SGMS1: variants seen among roughly 807,000 people sequenced by gnomAD.
SGMS1 encodes sphingomyelin synthase 1, also known as phosphatidylcholine:ceramide cholinephosphotransferase 1.
Under a neutral mutation model 46.2 loss-of-function variants are expected in SGMS1, and 13 were observed. That is an observed-to-expected ratio of 0.28 (90% CI 0.18 to 0.45). The LOEUF is 0.45. SGMS1 is among the 20% of genes least tolerant of loss of function. The pLI, the probability that SGMS1 is intolerant of heterozygous loss-of-function variation, is 1.00. For missense variants in SGMS1, 324 were observed against 519.9 expected (o/e 0.62, Z 3.66); for synonymous variants, 203 against 187.8 (o/e 1.08, Z -0.66).
At chr10:50,464,732 C>A (rs117346226) in intron 4 of SGMS1, among the ~76,000 whole-genome samples, 2 of 152,298 alleles carry the variant, frequency 1.3e-5, no homozygotes, top group East Asian at 3.9e-4. Flanking sequence ...CTGCGCCTGG[C>A]CCGTTGATTT....
intron 3 of SGMS1, among the ~76,000 whole-genome samples, chr10:50,511,191 A>G (rs1425794990): frequency 6.6e-6 from 1 of 151,924 alleles, no homozygotes; most frequent in African/African-American, 2.4e-5. Flanking sequence ...ACAAGAGAAC[A>G]GTACTTCCTG....
chr10:50,498,558 T>C (rs1837635389), intron 3 of SGMS1, among the ~76,000 whole-genome samples: 1 of 152,184 alleles, frequency 6.6e-6, no homozygotes, highest in South Asian at 2.1e-4. Context: ...TAGAAGCATA[T>C]AGTATTTTTC....
chr10:50,606,400 T>C (rs990314086), intron 1 of SGMS1, among the ~76,000 whole-genome samples: 8 of 152,338 alleles, frequency 5.3e-5, no homozygotes, highest in African/African-American at 1.7e-4. Context: ...GTGGAGATGG[T>C]TGCACAACAA....
chr10:50,577,961 T>C (rs1838399958), intron 2 of SGMS1, among the ~76,000 whole-genome samples: 1 of 152,174 alleles, frequency 6.6e-6, no homozygotes, highest in African/African-American at 2.4e-5. Flanking sequence ...AATGACTAAG[T>C]GTTCCAGTAA....
chr10:50,332,082 A>G (rs1847632272), intron 7 of SGMS1, among the ~76,000 whole-genome samples: 2 of 152,282 alleles, frequency 1.3e-5, no homozygotes, highest in East Asian at 1.9e-4. Context: ...AAGCCCTCCA[A>G]TGGTTGTCAA....
intron 6 of SGMS1, among the ~76,000 whole-genome samples, chr10:50,396,259 C>T (rs1485721715): frequency 1.3e-5 from 2 of 152,162 alleles, no homozygotes; most frequent in Non-Finnish European, 2.9e-5. Flanking sequence ...TACCTCTTCT[C>T]CTCTCTTTAC....
chr10:50,351,361 TTGGATTAA>T (rs1848009332), intron 6 of SGMS1, among the ~76,000 whole-genome samples: 1 of 152,166 alleles, frequency 6.6e-6, no homozygotes. Flanking sequence ...CTGTGGACTT[TTGGATTAA>T]TGCTGAAATG....
intron 2 of SGMS1, among the ~76,000 whole-genome samples, chr10:50,523,080 T>C (rs141655231): frequency 2.6e-5 from 4 of 152,324 alleles, no homozygotes; most frequent in South Asian, 2.1e-4. Context: ...AGTCCCCCTC[T>C]TGTGATTCTC....
At chr10:50,624,633 C>A, upstream of SGMS1, 2 of 985,350 alleles carry the variant, frequency 2.0e-6, no homozygotes, top group South Asian at 9.4e-5. Flanking sequence ...CGAGCTGCGG[C>A]GAAAACCCGG....
chr10:50,425,031 T>C (rs1248782744), intron 6 of SGMS1, among the ~76,000 whole-genome samples: 2 of 151,876 alleles, frequency 1.3e-5, no homozygotes, highest in Non-Finnish European at 2.9e-5. Context: ...TGAGATACCA[T>C]TAATCACAAT....
intron 5 of SGMS1, among the ~76,000 whole-genome samples, chr10:50,451,849 A>G (rs1054257804): frequency 3.3e-5 from 5 of 152,226 alleles, no homozygotes; most frequent in African/African-American, 1.2e-4. Flanking sequence ...AACATTAAAA[A>G]TATCTTCTTG....
At chr10:50,548,720 A>T (rs902585221) in intron 2 of SGMS1, among the ~76,000 whole-genome samples, 10 of 152,232 alleles carry the variant, frequency 6.6e-5, no homozygotes, top group African/African-American at 2.2e-4. Context: ...GATCTAATTA[A>T]ACCAAAGAAC....
At chr10:50,576,263 A>G (rs1289026496) in intron 2 of SGMS1, among the ~76,000 whole-genome samples, 1 of 152,186 alleles carries the variant, frequency 6.6e-6, no homozygotes, top group African/African-American at 2.4e-5. Context: ...CATCCTCATT[A>G]TAGACCCAAC....
intron 3 of SGMS1, among the ~76,000 whole-genome samples, chr10:50,481,314 G>C (rs1837474863): frequency 6.6e-6 from 1 of 152,204 alleles, no homozygotes; most frequent in Non-Finnish European, 1.5e-5. Flanking sequence ...TTCTGCGACA[G>C]AGCTCCCAGA....
rs1847193908 is a variant in SGMS1 at position 50,307,398 on chromosome 10, C to T, written c.1063-77G>A. The T allele has an allele frequency of 7.3e-6, 10 of 1,364,030 alleles. No individual in the cohort carries two copies. The South Asian group carries it at 1.2e-4, about 16-fold the overall frequency. The allele number at this position is 1,364,030 out of a possible 1,614,324, so 84.5% of individuals were successfully genotyped here. A position where few individuals can be genotyped will look rare whatever the true frequency, so the allele number is the denominator to read the frequency against. ...TTCAAATACTTGCCACGCTAAAATT[C>T]CCAAAGGACTCCATACCTGCCCTGC... On this transcript the variant is annotated intron_variant, in intron 10 of 10. Transcript: ENST00000361781. This position sits in a 1 kb window ranked among gnomAD's most constrained non-coding sequence, Gnocchi z 4.2.
At chr10:50,613,514 A>T (rs544768140) in intron 1 of SGMS1, among the ~76,000 whole-genome samples, 111 of 152,294 alleles carry the variant, frequency 7.3e-4, no homozygotes, top group Non-Finnish European at 1.3e-3. Context: ...TCCACACCTG[A>T]ACAGGCCTCT....
intron 5 of SGMS1, among the ~76,000 whole-genome samples, chr10:50,444,317 C>T (rs1836981058): frequency 6.6e-6 from 1 of 151,982 alleles, no homozygotes; most frequent in South Asian, 2.1e-4. Context: ...ACCAGACAAA[C>T]ATAATAAAAG....
intron 8 of SGMS1, among the ~76,000 whole-genome samples, chr10:50,314,369 G>A (rs1213102297): frequency 6.6e-6 from 1 of 152,058 alleles, no homozygotes; most frequent in African/African-American, 2.4e-5. Context: ...AGATATCTGC[G>A]GGTAAAATCA....
intron 2 of SGMS1, among the ~76,000 whole-genome samples, chr10:50,548,491 A>C (rs1021003399): frequency 1.3e-5 from 2 of 152,156 alleles, no homozygotes; most frequent in South Asian, 4.1e-4. Flanking sequence ...ATGGTGCTGG[A>C]ATAACTGGCT....
Sources: gnomAD v4.1 joint callset for allele counts (sites outside exome capture counted in the v4.1 genomes callset) on GRCh38, gnomAD v4.1.1 for gene constraint, Gnocchi (gnomAD v3.1) non-coding constraint, MANE v1.5 for transcripts, NCBI Gene and HGNC (gene_info 2026-07-23, HGNC 2026-07-21) for gene names.